Variants in SLC49A4 observed in about 807,000 individuals in gnomAD.
The protein encoded by SLC49A4 is solute carrier family 49 member 4, also known as disrupted in renal cancer protein 2.
SLC49A4 carries 36 observed loss-of-function variants against 50.6 expected under a neutral mutation model. That is an observed-to-expected ratio of 0.71 (90% CI 0.55 to 0.94). The LOEUF (loss-of-function observed/expected upper bound fraction) is 0.94, where lower values mean the gene tolerates loss of function less well. SLC49A4 is among the 40% of genes least tolerant of loss of function. The pLI, the probability that SLC49A4 is intolerant of heterozygous loss-of-function variation, is 0.00. For synonymous variants in SLC49A4, 248 were observed against 241.2 expected, an observed-to-expected ratio of 1.03 and a Z score of -0.26; for missense variants, 503 against 605.7, an observed-to-expected ratio of 0.83 and a Z score of 1.78.
chr3:122,814,079 T>C (rs1282297488), intron 2 of SLC49A4, among the ~76,000 whole-genome samples: 2 of 152,194 alleles, frequency 1.3e-5, no homozygotes, highest in African/African-American at 4.8e-5. Flanking sequence ...AAGACTAGCA[T>C]GGTCAACATG....
chr3:122,803,360 C>T (rs1936161473), intron 1 of SLC49A4, among the ~76,000 whole-genome samples: 1 of 152,078 alleles, frequency 6.6e-6, no homozygotes, highest in Non-Finnish European at 1.5e-5. Context: ...CTGAGCACTC[C>T]AGAAGGCACA....
chr3:122,799,924 T>C (rs1936106386), intron 1 of SLC49A4, among the ~76,000 whole-genome samples: 1 of 152,124 alleles, frequency 6.6e-6, no homozygotes, highest in African/African-American at 2.4e-5. Context: ...TGTAAGATGG[T>C]AGAGAGAGCA....
At chr3:122,836,250 A>G (rs1157280132) in intron 4 of SLC49A4, among the ~76,000 whole-genome samples, 1 of 152,086 alleles carries the variant, frequency 6.6e-6, no homozygotes, top group African/African-American at 2.4e-5. Context: ...CTATTGAGAT[A>G]ATCATGTGGT....
At chr3:122,838,393 C>T (rs1414322021) in intron 4 of SLC49A4, among the ~76,000 whole-genome samples, 5 of 152,056 alleles carry the variant, frequency 3.3e-5, no homozygotes, top group Non-Finnish European at 7.4e-5. Flanking sequence ...ATGATGAGTT[C>T]ATGTCCTTTG....
chr3:122,846,232 TTCTC>T (rs1221693609), intron 5 of SLC49A4, among the ~76,000 whole-genome samples: 1 of 152,194 alleles, frequency 6.6e-6, no homozygotes, highest in African/African-American at 2.4e-5. Context: ...GTTTCTGACT[TTCTC>T]TCTGGGCTCC....
intron 4 of SLC49A4, among the ~76,000 whole-genome samples, chr3:122,836,717 A>G (rs1187207944): frequency 5.9e-5 from 9 of 152,178 alleles, no homozygotes; most frequent in African/African-American, 9.7e-5. Context: ...GGCCAGGGCA[A>G]TCAGGCAGGA....
At chr3:122,866,134 C>A (rs1487137034) in intron 7 of SLC49A4, among the ~76,000 whole-genome samples, 1 of 151,982 alleles carries the variant, frequency 6.6e-6, no homozygotes, top group Non-Finnish European at 1.5e-5. Context: ...CAGGCTAAAG[C>A]TATCCTCCCA....
At chr3:122,833,276 T>G (rs1560212973) in intron 3 of SLC49A4, 41 bp from the exon 4 acceptor site, 1 of 1,592,140 alleles carries the variant, frequency 6.3e-7, no homozygotes, top group Admixed American at 1.7e-5. Flanking sequence ...TTCAACTTTT[T>G]GTGTTTCCTG....
chr3:122,852,323 T>A (rs2107576598), intron 5 of SLC49A4, among the ~76,000 whole-genome samples: 1 of 152,308 alleles, frequency 6.6e-6, no homozygotes, highest in East Asian at 1.9e-4. Flanking sequence ...GTTGACAGAT[T>A]TCAGTAGAAA....
intron 7 of SLC49A4, among the ~76,000 whole-genome samples, chr3:122,872,022 T>C (rs1284740431): frequency 6.6e-6 from 1 of 152,218 alleles, no homozygotes; most frequent in Non-Finnish European, 1.5e-5. Context: ...AATATGTAAT[T>C]TTCAGTAACA....
chr3:122,867,777 C>T (rs995100584), intron 7 of SLC49A4, among the ~76,000 whole-genome samples: 1 of 151,928 alleles, frequency 6.6e-6, no homozygotes, highest in East Asian at 1.9e-4. Flanking sequence ...GTCAGGAGAT[C>T]GAGACCATCC....
chr3:122,802,888 G>A (rs1409065454), intron 1 of SLC49A4, among the ~76,000 whole-genome samples: 1 of 152,014 alleles, frequency 6.6e-6, no homozygotes, highest in African/African-American at 2.4e-5. Context: ...GACTAAAACC[G>A]ATCAAACAAA....
chr3:122,827,850 G>C (rs1320086306), intron 3 of SLC49A4, among the ~76,000 whole-genome samples: 1 of 152,192 alleles, frequency 6.6e-6, no homozygotes, highest in Admixed American at 6.5e-5. Flanking sequence ...GGAAGTTGAG[G>C]GGGCAGGAAA....
At position 122,860,144 on chromosome 3, in the gene SLC49A4, A is replaced by T. The variant is rs1001177570; in HGVS notation, c.1080A>T (p.Ser360=). The change falls in exon 7 of 9, where the codon TCA becomes TCT. Residue 360 remains serine (S), a synonymous_variant. Coordinates refer to ENST00000261038, the MANE Select transcript of SLC49A4 (RefSeq NM_032839.3). ...TCCTGTTTTCGGGAGCTACACTGTC[A>T]TCCACGTGGTTCACCCTGACCTGTT... ...LLLLFSGATL[S]STWFTLTCLN... 1.2e-6 allele frequency: 2 copies of T among 1,613,398 alleles called. No individual in the cohort carries two copies. Among genetic ancestry groups the T allele is most frequent in the Non-Finnish European group, 1.7e-6 (2 of 1,179,676 alleles).
chr3:122,837,109 T>G (rs1453870782), intron 4 of SLC49A4, among the ~76,000 whole-genome samples: 2 of 152,154 alleles, frequency 1.3e-5, no homozygotes, highest in Non-Finnish European at 2.9e-5. Context: ...GTTGGAAGAA[T>G]CAATATCGTG....
At chr3:122,809,465 T>C (rs770992724) in intron 2 of SLC49A4, among the ~76,000 whole-genome samples, 5 of 152,200 alleles carry the variant, frequency 3.3e-5, no homozygotes, top group Non-Finnish European at 7.3e-5. Flanking sequence ...CCCACACCTG[T>C]AATCCCAGCA....
At chr3:122,849,732 C>A (rs942134069) in intron 5 of SLC49A4, among the ~76,000 whole-genome samples, 2 of 151,484 alleles carry the variant, frequency 1.3e-5, no homozygotes, top group African/African-American at 4.8e-5. Flanking sequence ...GGTTCTTAAT[C>A]CCTTGTTGGA....
intron 7 of SLC49A4, among the ~76,000 whole-genome samples, chr3:122,863,221 G>A (rs902763341): frequency 1.1e-4 from 17 of 152,180 alleles, no homozygotes; most frequent in Non-Finnish European, 2.2e-4. Context: ...CTGAATTATA[G>A]CAGGTTTTTG....
intron 2 of SLC49A4, among the ~76,000 whole-genome samples, chr3:122,810,705 C>T (rs928485126): frequency 6.6e-6 from 1 of 152,208 alleles, no homozygotes; most frequent in Non-Finnish European, 1.5e-5. Flanking sequence ...TTAATATTAA[C>T]AATACTTAAT....
Sources: gnomAD v4.1 joint callset for allele counts (sites outside exome capture counted in the v4.1 genomes callset) on GRCh38, gnomAD v4.1.1 for gene constraint, MANE v1.5 for transcripts, NCBI Gene and HGNC (gene_info 2026-07-23, HGNC 2026-07-21) for gene names.